The following RORA variants were observed in gnomAD, a reference collection of about 807,000 sequenced individuals.
RORA encodes the protein nuclear receptor ROR-alpha.
In RORA, 7 loss-of-function variants were observed where a neutral mutation model predicts 69.5. The ratio of observed to expected loss-of-function variants is 0.10; its 90% CI spans 0.06 to 0.19. The LOEUF is 0.19. Among genes scored for constraint, RORA ranks in the 10% least tolerant of loss-of-function variants. The pLI, the probability that RORA is intolerant of heterozygous loss-of-function variation, is 1.00. For missense variants in RORA, 457 were observed against 663.0 expected (o/e 0.69, Z 3.41); for synonymous variants, 261 against 240.8 (o/e 1.08, Z -0.78).
chr15:60,566,675 T>C (rs2067721862), intron 2 of RORA, among the ~76,000 whole-genome samples: 1 of 152,238 alleles, frequency 6.6e-6, no homozygotes, highest in Non-Finnish European at 1.5e-5. Flanking sequence ...AGATTTCTTT[T>C]AGGGAATTCG....
At chr15:60,759,597 G>C (rs376677074) in intron 1 of RORA, among the ~76,000 whole-genome samples, 1 of 152,162 alleles carries the variant, frequency 6.6e-6, no homozygotes, top group Admixed American at 6.5e-5. Flanking sequence ...AGACCTGAAA[G>C]ACTGGCCGTC....
chr15:61,180,591 G>A (rs2079675032), intron 1 of RORA, among the ~76,000 whole-genome samples: 1 of 152,124 alleles, frequency 6.6e-6, no homozygotes, highest in African/African-American at 2.4e-5. Context: ...AGCTTTCCCT[G>A]AATTCTTCTT....
chr15:60,726,324 A>G (rs2071356560), intron 1 of RORA, among the ~76,000 whole-genome samples: 1 of 152,202 alleles, frequency 6.6e-6, no homozygotes, highest in Admixed American at 6.5e-5. Context: ...GTCAGGACCA[A>G]TGGAGAAGGA....
intron 1 of RORA, among the ~76,000 whole-genome samples, chr15:61,223,203 C>T (rs2080115078): frequency 6.6e-6 from 1 of 151,418 alleles, no homozygotes; most frequent in Non-Finnish European, 1.5e-5. Context: ...AGTCCCAGTT[C>T]CCTGGGAGGC....
At chr15:60,867,183 T>G (rs1373711471) in intron 1 of RORA, among the ~76,000 whole-genome samples, 1 of 152,206 alleles carries the variant, frequency 6.6e-6, no homozygotes, top group African/African-American at 2.4e-5. Context: ...TCTTTTAATA[T>G]AAACCAGTAA....
chr15:60,815,844 C>G (rs2072802731), intron 1 of RORA, among the ~76,000 whole-genome samples: 1 of 147,234 alleles, frequency 6.8e-6, no homozygotes, highest in Non-Finnish European at 1.5e-5. Context: ...TATATTTACA[C>G]TATTTATATA....
At position 60,662,708 on chromosome 15, in the gene RORA, T is replaced by C. The variant is rs2070322420; in HGVS notation, c.196+15949A>G. 6.6e-5 allele frequency among the ~76,000 whole-genome samples: 10 copies of C among 152,170 alleles called. No homozygotes were observed. The South Asian group carries it at 2.1e-3, about 32-fold the overall frequency. On this transcript the variant is annotated intron_variant, in intron 2 of 10. Coordinates refer to ENST00000335670, the MANE Select transcript of RORA (RefSeq NM_134261.3). ...TACTGTAATGCTGAGGCCAAGCATA[T>C]ATTTTATTAGTTTAAATCCTAGCTA... is the stretch of plus-strand genomic sequence containing the variant.
In RORA at chr15:60,761,935, G is replaced by GA. The variant is rs1055600463; in HGVS notation, c.167-83250dup. On this transcript the variant is annotated intron_variant, in intron 1 of 10. Coordinates refer to ENST00000335670, the MANE Select transcript of RORA (RefSeq NM_134261.3). ...TTTGCAAACTACAGTAGTTGGTAAT[G>GA]AAAAAAAAAAAGTCTAGTCCTTGGA... is the stretch of plus-strand genomic sequence containing the variant. 5.7e-3 allele frequency among the ~76,000 whole-genome samples: 824 copies of GA among 143,656 alleles called. 7 individuals are homozygous for GA. Among genetic ancestry groups the GA allele is most frequent in the African/African-American group, 0.018 (727 of 39,300 alleles). 94.2% of individuals were successfully genotyped at this position (143,656 alleles called of 152,430 possible).
At chr15:61,051,490 A>G (rs1897288309) in intron 1 of RORA, among the ~76,000 whole-genome samples, 1 of 152,136 alleles carries the variant, frequency 6.6e-6, no homozygotes, top group Non-Finnish European at 1.5e-5. Flanking sequence ...CCTAGAGTCA[A>G]TCCAGTGATC....
chr15:60,948,545 T>A (rs533592517), intron 1 of RORA, among the ~76,000 whole-genome samples: 1 of 152,202 alleles, frequency 6.6e-6, no homozygotes, highest in South Asian at 2.1e-4. Flanking sequence ...CAACAATATA[T>A]AATTTATGCC....
intron 1 of RORA, among the ~76,000 whole-genome samples, chr15:60,750,961 A>G (rs1437107628): frequency 2.6e-5 from 4 of 152,162 alleles, no homozygotes; most frequent in Non-Finnish European, 5.9e-5. Flanking sequence ...ACCCCACGGT[A>G]AAAGGATTAT....
At chr15:60,913,267 A>T (rs1314067221) in intron 1 of RORA, among the ~76,000 whole-genome samples, 1 of 152,114 alleles carries the variant, frequency 6.6e-6, no homozygotes, top group Non-Finnish European at 1.5e-5. Context: ...AATCCCTGCC[A>T]TGTCCATAGC....
chr15:60,940,963 T>C (rs1369961751), intron 1 of RORA, among the ~76,000 whole-genome samples: 1 of 152,260 alleles, frequency 6.6e-6, no homozygotes, highest in South Asian at 2.1e-4. Context: ...TTTTAGTCAG[T>C]GGAAGAAAAG....
At chr15:61,080,173 T>G (rs2078518486) in intron 1 of RORA, among the ~76,000 whole-genome samples, 1 of 152,138 alleles carries the variant, frequency 6.6e-6, no homozygotes, top group African/African-American at 2.4e-5. Context: ...TTTCCTTGGT[T>G]GCCAACTCCC....
chr15:60,884,411 G>A (rs1567225159), intron 1 of RORA, among the ~76,000 whole-genome samples: 1 of 151,830 alleles, frequency 6.6e-6, no homozygotes, highest in African/African-American at 2.4e-5. Context: ...TGGAATGACT[G>A]GATACTTATG....
At chr15:60,514,551 T>A (rs897925546) in intron 4 of RORA, 65 bp downstream of exon 4, 1 of 1,525,076 alleles carries the variant, frequency 6.6e-7, no homozygotes, top group African/African-American at 1.4e-5. Context: ...CAGATCTGAG[T>A]CCAGGTTTCA....
intron 1 of RORA, among the ~76,000 whole-genome samples, chr15:60,749,155 C>A (rs983915783): frequency 2.0e-5 from 3 of 152,174 alleles, no homozygotes; most frequent in African/African-American, 7.2e-5. Flanking sequence ...TCTATGCCTT[C>A]ATTGAACAAC....
chr15:61,177,657 GA>G (rs770051938), intron 1 of RORA, among the ~76,000 whole-genome samples: 66 of 151,994 alleles, frequency 4.3e-4, no homozygotes, highest in Non-Finnish European at 7.8e-4. Context: ...TAAAAAACAA[GA>G]AAGGAACCGG....
chr15:60,775,301 T>C (rs550718626), intron 1 of RORA, among the ~76,000 whole-genome samples: 5 of 152,328 alleles, frequency 3.3e-5, no homozygotes, highest in East Asian at 3.9e-4. Flanking sequence ...ACTTCGTTAA[T>C]AGAATTCTCT....
Sources: gnomAD v4.1 joint callset for allele counts (sites outside exome capture counted in the v4.1 genomes callset) on GRCh38, gnomAD v4.1.1 for gene constraint, MANE v1.5 for transcripts, NCBI Gene and HGNC (gene_info 2026-07-23, HGNC 2026-07-21) for gene names.